The following WDR73 variants were observed in gnomAD, a reference collection of about 807,000 sequenced individuals.
WDR73 encodes integrator complex assembly factor WDR73.
In WDR73, 30 loss-of-function variants were observed where a neutral mutation model predicts 38.2. That is an observed-to-expected ratio of 0.79 (90% CI 0.59 to 1.06). WDR73 has a LOEUF of 1.06. Ranked by LOEUF, WDR73 falls within the 50% of genes least tolerant of loss-of-function variation. The pLI is 0.00. For missense variants in WDR73, 487 were observed against 467.0 expected (o/e 1.04, Z -0.40); for synonymous variants, 197 against 176.0 (o/e 1.12, Z -0.94).
intron 3 of WDR73, among the ~76,000 whole-genome samples, chr15:84,650,291 C>T (rs1896581727): frequency 6.6e-6 from 1 of 152,078 alleles, no homozygotes; most frequent in African/African-American, 2.4e-5. Flanking sequence ...TTAAGGGATT[C>T]TCTGGTGCCT....
chr15:84,653,815 C>T lies in WDR73; in HGVS notation c.42-116G>A, dbSNP rs539166994. ...ACTCTGGAGTCAGGCAGACGTGGGACTGAGTTTACTTCCCATTTTACTCCC... is the reference window on the plus strand; with the variant it reads ...ACTCTGGAGTCAGGCAGACGTGGGATTGAGTTTACTTCCCATTTTACTCCC... On this transcript the variant is annotated intron_variant, in intron 1 of 7. Coordinates refer to ENST00000434634, the MANE Select transcript of WDR73 (RefSeq NM_032856.5). 4 of 795,514 alleles carry T rather than the reference C, an allele frequency of 5.0e-6. No homozygotes were observed. In the African/African-American group the frequency reaches 6.8e-5, roughly 14 times the overall value. The allele number at this position is 795,514 out of a possible 1,614,324, so 49.3% of individuals were successfully genotyped here.
At chr15:84,643,745 G>C in intron 7 of WDR73, 22 bp from the exon 8 acceptor site, 1 of 1,592,860 alleles carries the variant, frequency 6.3e-7, no homozygotes, top group South Asian at 1.2e-5. Flanking sequence ...GAAAAGAGAG[G>C]CTTGACAATG....
intron 3 of WDR73, among the ~76,000 whole-genome samples, 156 bp from the exon 4 acceptor site, chr15:84,648,781 T>C (rs753802879): frequency 6.6e-6 from 1 of 152,200 alleles, no homozygotes; most frequent in African/African-American, 2.4e-5. Flanking sequence ...GCAATGTTGG[T>C]CTCAGCTGCC....
In WDR73 at chr15:84,645,159, C is replaced by T. The variant is rs1235051569; in HGVS notation, c.883+312G>A. 4 of 1,196,752 alleles carry T rather than the reference C, an allele frequency of 3.3e-6. No individual in the cohort carries two copies. In the Admixed American group the frequency reaches 1.4e-4, roughly 41 times the overall value. The allele number at this position is 1,196,752 out of a possible 1,614,324, so 74.1% of individuals were successfully genotyped here. A position where few individuals can be genotyped will look rare whatever the true frequency, so the allele number is the denominator to read the frequency against. ...TAGGGACGGGGTTTCACCGTGTTAGCCACTGTCCCCTTTTCTTTCTGACCC... is the reference window on the plus strand; with the variant it reads ...TAGGGACGGGGTTTCACCGTGTTAGTCACTGTCCCCTTTTCTTTCTGACCC... On this transcript the variant is annotated intron_variant, in intron 7 of 7. Coordinates refer to ENST00000434634, the MANE Select transcript of WDR73 (RefSeq NM_032856.5).
In WDR73 at chr15:84,639,782, C is replaced by A. The variant is rs1466398604; in HGVS notation, c.*3688G>T. 6.6e-6 allele frequency: 1 copy of A among 152,200 alleles called. No homozygotes were observed. Among genetic ancestry groups the A allele is most frequent in the African/African-American group, 2.4e-5 (1 of 41,416 alleles). 9.4% of individuals were successfully genotyped at this position (152,200 alleles called of 1,614,324 possible). ...GGGAATTCTCAGAGGCCTGGATCCA[C>A]GAAAAACTCCGCACCTGCCATCGAA... On this transcript the variant is annotated 3_prime_UTR_variant, in exon 8 of 8. Coordinates refer to ENST00000434634, the MANE Select transcript of WDR73 (RefSeq NM_032856.5).
At chr15:84,645,388 T>C in intron 7 of WDR73, 83 bp downstream of exon 7, 1 of 1,576,966 alleles carries the variant, frequency 6.3e-7, no homozygotes, top group East Asian at 2.3e-5. Flanking sequence ...TTTATCATGG[T>C]GCTGGAGGCT....
chr15:84,652,850 C>G, intron 2 of WDR73, 48 bp from the exon 3 acceptor site: 1 of 1,176,466 alleles, frequency 8.5e-7, no homozygotes, highest in Non-Finnish European at 1.2e-6. Context: ...AGAAAGATTG[C>G]AGACCATGCA....
chr15:84,652,145 C>T (rs1442456684), intron 3 of WDR73, among the ~76,000 whole-genome samples: 4 of 152,172 alleles, frequency 2.6e-5, no homozygotes, highest in African/African-American at 4.8e-5. Flanking sequence ...GGATTACAGG[C>T]GTAAGCCACT....
intron 5 of WDR73, 119 bp from the exon 6 acceptor site, chr15:84,646,467 T>G: frequency 6.9e-7 from 1 of 1,446,692 alleles, no homozygotes. Flanking sequence ...AGCTGCCGGC[T>G]GGCAAGAGAT....
At chr15:84,649,195 C>G (rs118090997) in intron 3 of WDR73, among the ~76,000 whole-genome samples, 3,616 of 152,254 alleles carry the variant, frequency 0.024, 152 homozygotes, top group Admixed American at 0.12. Flanking sequence ...GAATTTGAAC[C>G]AAAGTCTGTC....
At chr15:84,649,989 T>C (rs1896574997) in intron 3 of WDR73, among the ~76,000 whole-genome samples, 1 of 152,172 alleles carries the variant, frequency 6.6e-6, no homozygotes, top group South Asian at 2.1e-4. Context: ...GAATATGCAT[T>C]TTAGCCAGCA....
chr15:84,650,602 G>T (rs561472788), intron 3 of WDR73, among the ~76,000 whole-genome samples: 1 of 151,874 alleles, frequency 6.6e-6, no homozygotes, highest in East Asian at 1.9e-4. Context: ...CTTGTGATCC[G>T]CCCACCTCAG....
At position 84,643,479 on chromosome 15, in the gene WDR73, G is replaced by A. The variant is rs201023994; in HGVS notation, c.1128C>T (p.Ala376=). 10 of 1,556,008 alleles carry A rather than the reference G, an allele frequency of 6.4e-6. No homozygotes were observed. The highest frequency in any genetic ancestry group is 2.4e-5 in the East Asian group (1 of 41,374). The part of the protein sequence containing the change: ...LHVWDWVDLC[A]PR ...TGGAAAGATGCTGGTGTCAGCGGGG[G>A]GCACAAAGGTCCACCCAGTCCCACA... is the stretch of plus-strand genomic sequence containing the variant. Residue 376 remains alanine, a synonymous_variant, in exon 8 of 8, where the codon GCC becomes GCT. Transcript: ENST00000434634.
intron 7 of WDR73, chr15:84,644,937 TGC>T: frequency 8.2e-6 from 1 of 122,660 alleles, no homozygotes; most frequent in South Asian, 2.2e-4. Flanking sequence ...CTGTCCCTGC[TGC>T]TTTTTTTTTT....
At position 84,653,669 on chromosome 15, in the gene WDR73, TG is replaced by T. The variant is rs865910905; in HGVS notation, c.71del (p.Ser24Ter). The T allele has an allele frequency of 1.9e-6, 3 of 1,595,970 alleles. No individual in the cohort carries two copies. Among genetic ancestry groups the T allele is most frequent in the Non-Finnish European group, 2.6e-6 (3 of 1,171,112 alleles). On this transcript the variant is annotated frameshift_variant, in exon 2 of 8. Coordinates refer to ENST00000434634, the MANE Select transcript of WDR73 (RefSeq NM_032856.5). LOFTEE classifies it high-confidence loss of function. ...TCCATTCAAGGACTCGAGTGGCTCC[TG>T]ACAGGTCGAATGCATAGAAATCCTG... Reference protein sequence around the residue: ...LYQDFYAFDLSGATRVLEWID... With the variant: ...LYQDFYAFDLXGATRVLEWID...
chr15:84,654,268 G>T lies in WDR73; in HGVS notation c.7C>A (p.Pro3Thr), dbSNP rs373365022. 3 of 1,613,836 alleles carry T rather than the reference G, an allele frequency of 1.9e-6. No homozygotes were observed. The highest frequency in any genetic ancestry group is 2.7e-5 in the African/African-American group (2 of 74,940). MD[P>T]GDDWLVESLR... ...GATTCCACCAGCCAGTCGTCCCCAGGATCCATGGCAACGACCGCTTCCGGC... is the reference window on the plus strand; with the variant it reads ...GATTCCACCAGCCAGTCGTCCCCAGTATCCATGGCAACGACCGCTTCCGGC... Residue 3 changes from proline to threonine, a missense_variant, in exon 1 of 8, where the codon CCT becomes ACT. Coordinates refer to ENST00000434634, the MANE Select transcript of WDR73 (RefSeq NM_032856.5).
At chr15:84,648,074 GATC>G (rs563935365) in intron 4 of WDR73, 120 bp from the exon 5 acceptor site, 146 of 862,202 alleles carry the variant, frequency 1.7e-4, no homozygotes, top group Non-Finnish European at 2.6e-4. Flanking sequence ...CTTACTGCAA[GATC>G]ATCAAGGCCA....
chr15:84,652,721 T>C lies in WDR73; in HGVS notation c.191A>G (p.Glu64Gly). 2 of 1,502,084 alleles carry C rather than the reference T, an allele frequency of 1.3e-6. No individual in the cohort carries two copies. The highest frequency in any genetic ancestry group is 1.3e-5 in the South Asian group (1 of 77,276). The allele number at this position is 1,502,084 out of a possible 1,614,324, so 93.0% of individuals were successfully genotyped here. Residue 64 changes from glutamate to glycine, a missense_variant, in exon 3 of 8, where the codon GAA (glutamate) becomes GGA (glycine). Glu to Gly is a moderately conservative substitution (Grantham distance 98, BLOSUM62 -2). Transcript: ENST00000434634. ...ATTTATATTTTAAGTTACCTTGTTT[T>C]CCTTTACAGAAAGTCTGAGAGGTAA... ...LKLPLRLSVKENKGLFPERDF... is the reference protein window; with the variant it reads ...LKLPLRLSVKGNKGLFPERDF...
Position 84,650,856 on chromosome 15 carries a change from C to T in WDR73, c.198+1858G>A, listed in dbSNP as rs142771334. ...AAAACAAAATAAAAAAGGCCAAGTG[C>T]GGTGGTTCACACCTGGAATCCCAGC... On this transcript the variant is annotated intron_variant, in intron 3 of 7. Coordinates refer to ENST00000434634, the MANE Select transcript of WDR73 (RefSeq NM_032856.5). Among the ~76,000 whole-genome samples, 8 of 152,056 alleles carry T rather than the reference C, an allele frequency of 5.3e-5. No homozygotes were observed. The East Asian group carries it at 1.2e-3, about 22-fold the overall frequency.
Sources: gnomAD v4.1 joint callset for allele counts (sites outside exome capture counted in the v4.1 genomes callset) on GRCh38, gnomAD v4.1.1 for gene constraint, MANE v1.5 for transcripts, NCBI Gene and HGNC (gene_info 2026-07-23, HGNC 2026-07-21) for gene names.